The following ERBB4 variants were observed in gnomAD, a reference collection of about 807,000 sequenced individuals.
ERBB4 encodes the protein erb-b2 receptor tyrosine kinase 4, also known as receptor tyrosine-protein kinase erbB-4.
In ERBB4, 42 loss-of-function variants were observed where a neutral mutation model predicts 158.0. The observed-to-expected ratio is 0.27, with a 90% CI of 0.21 to 0.34. The LOEUF is 0.34. Among genes scored for constraint, ERBB4 ranks in the 10% least tolerant of loss-of-function variants. ERBB4 has a pLI of 1.00. For missense variants in ERBB4, 1,333 were observed against 1,624.1 expected, an observed-to-expected ratio of 0.82 and a Z score of 3.08; for synonymous variants, 583 against 558.7, an observed-to-expected ratio of 1.04 and a Z score of -0.61.
intron 1 of ERBB4, among the ~76,000 whole-genome samples, chr2:212,391,674 A>T (rs1277206622): frequency 5.4e-5 from 7 of 128,872 alleles, no homozygotes; most frequent in Admixed American, 1.6e-4. Flanking sequence ...ATTATATTTT[A>T]TATATATTAT....
chr2:212,340,049 T>G (rs2088630038), intron 1 of ERBB4, among the ~76,000 whole-genome samples: 1 of 146,768 alleles, frequency 6.8e-6, no homozygotes, highest in South Asian at 2.1e-4. Context: ...TTAATATTCT[T>G]TTTTTTTTTT....
chr2:212,415,354 CT>C (rs1262556234), intron 1 of ERBB4, among the ~76,000 whole-genome samples: 1 of 152,032 alleles, frequency 6.6e-6, no homozygotes, highest in Non-Finnish European at 1.5e-5. Context: ...AGATTAGATA[CT>C]TAGAAAAGAA....
chr2:212,276,678 G>C (rs536867268), intron 1 of ERBB4, among the ~76,000 whole-genome samples: 1 of 151,714 alleles, frequency 6.6e-6, no homozygotes, highest in African/African-American at 2.4e-5. Context: ...AAATGTGCTC[G>C]CTATCAGATG....
Position 212,285,593 on chromosome 2 carries a change from C to G in ERBB4, c.83-160690G>C, listed in dbSNP as rs113109661. On this transcript the variant is annotated intron_variant, in intron 1 of 27. Transcript: ENST00000342788. ...TATATATGGTCCCAAATGCTAGTTA[C>G]GAAGTCAACCTGGATTAAAAATCTA... Among the ~76,000 whole-genome samples, 818 of 151,972 alleles carry G rather than the reference C, an allele frequency of 5.4e-3. 4 individuals carry two copies. The highest frequency in any genetic ancestry group is 0.017 in the Middle Eastern group (5 of 294).
At chr2:212,525,910 A>C (rs1240047076) in intron 1 of ERBB4, among the ~76,000 whole-genome samples, 1 of 152,006 alleles carries the variant, frequency 6.6e-6, no homozygotes. Context: ...ACAAGTAGTA[A>C]AACTCTTGAA....
At chr2:211,955,137 A>G (rs913483530) in intron 2 of ERBB4, among the ~76,000 whole-genome samples, 2 of 152,196 alleles carry the variant, frequency 1.3e-5, no homozygotes, top group East Asian at 1.9e-4. Context: ...ATAATACTCA[A>G]GAGGTAGGAA....
intron 20 of ERBB4, among the ~76,000 whole-genome samples, chr2:211,553,117 C>T (rs2067147045): frequency 6.6e-6 from 1 of 151,900 alleles, no homozygotes; most frequent in Admixed American, 6.6e-5. Flanking sequence ...TGCAGGCACC[C>T]ACCACCACGC....
intron 1 of ERBB4, among the ~76,000 whole-genome samples, chr2:212,421,588 C>T (rs923079764): frequency 2.0e-5 from 3 of 152,112 alleles, no homozygotes; most frequent in African/African-American, 2.4e-5. Flanking sequence ...AGGAATTCTC[C>T]ATCATGCCTG....
intron 1 of ERBB4, among the ~76,000 whole-genome samples, chr2:212,163,019 C>T (rs974354534): frequency 1.3e-5 from 2 of 151,902 alleles, no homozygotes; most frequent in African/African-American, 2.4e-5. Context: ...CAGCATTCTT[C>T]TTCAATTTCA....
At chr2:212,159,728 G>T (rs1434804432) in intron 1 of ERBB4, among the ~76,000 whole-genome samples, 1 of 151,876 alleles carries the variant, frequency 6.6e-6, no homozygotes, top group Non-Finnish European at 1.5e-5. Context: ...GTTTAAATTA[G>T]TAGATGAAAT....
At chr2:211,801,844 T>C (rs926757643) in intron 3 of ERBB4, among the ~76,000 whole-genome samples, 2 of 152,224 alleles carry the variant, frequency 1.3e-5, no homozygotes, top group Non-Finnish European at 2.9e-5. Context: ...TGTGTTTATA[T>C]AGTTATATCA....
chr2:211,804,576 T>C (rs2076571431), intron 3 of ERBB4, among the ~76,000 whole-genome samples: 1 of 152,216 alleles, frequency 6.6e-6, no homozygotes, highest in Admixed American at 6.5e-5. Flanking sequence ...ATCAGTCAAC[T>C]AGTATGCTCT....
intron 1 of ERBB4, among the ~76,000 whole-genome samples, chr2:212,354,357 A>G (rs2089383861): frequency 6.6e-6 from 1 of 152,124 alleles, no homozygotes; most frequent in Non-Finnish European, 1.5e-5. Context: ...TTAATAGGTC[A>G]TAAGGAAAGG....
intron 1 of ERBB4, among the ~76,000 whole-genome samples, chr2:212,150,213 G>A (rs111745605): frequency 7.9e-5 from 12 of 152,216 alleles, no homozygotes; most frequent in African/African-American, 2.6e-4. Context: ...AAGCCTCTAA[G>A]GGAGGATCTT....
In ERBB4 at chr2:211,705,366, T is replaced by A. The variant is rs138476466; in HGVS notation, c.1150A>T (p.Ile384Leu). The A allele has an allele frequency of 9.9e-6, 16 of 1,612,872 alleles. No homozygotes were observed. The highest frequency in any genetic ancestry group is 1.1e-5 in the South Asian group (1 of 91,058). ...AAGACGTTCAGTTTCTCTGGGTCTA[T>A]GGCTTCAATTGCATTGTAAGGGTCC... is the stretch of plus-strand genomic sequence containing the variant. ...HGDPYNAIEA[I>L]DPEKLNVFRT... Residue 384 changes from isoleucine to leucine, a missense_variant, in exon 10 of 28, where the codon ATA becomes TTA. Ile to Leu is a conservative substitution (Grantham distance 5). Transcript: ENST00000342788.
At chr2:211,716,128 C>T (rs1387031036) in intron 7 of ERBB4, among the ~76,000 whole-genome samples, 3 of 151,826 alleles carry the variant, frequency 2.0e-5, no homozygotes, top group South Asian at 2.1e-4. Flanking sequence ...TTTGGGAGGC[C>T]GAGGCGGGTG....
intron 4 of ERBB4, among the ~76,000 whole-genome samples, chr2:211,772,778 T>G (rs1199359191): frequency 7.7e-6 from 1 of 129,614 alleles, no homozygotes; most frequent in Admixed American, 8.4e-5. Flanking sequence ...CTTGAGTAAC[T>G]GAGACTACAG....
chr2:211,499,480 G>A (rs1261067398), intron 20 of ERBB4, among the ~76,000 whole-genome samples: 3 of 151,862 alleles, frequency 2.0e-5, no homozygotes, highest in Non-Finnish European at 2.9e-5. Context: ...CCGAGATAGC[G>A]CCACTGCACT....
chr2:212,016,731 A>G (rs1026058890), intron 2 of ERBB4, among the ~76,000 whole-genome samples: 1 of 152,152 alleles, frequency 6.6e-6, no homozygotes, highest in Non-Finnish European at 1.5e-5. Flanking sequence ...GGTGTTACCC[A>G]CATATTAATT....
Sources: allele counts gnomAD v4.1 joint callset (sites outside exome capture counted in the v4.1 genomes callset), GRCh38; gene constraint gnomAD v4.1.1; transcripts MANE v1.5; gene names NCBI Gene and HGNC (gene_info 2026-07-23, HGNC 2026-07-21).